Variants in PCDHA1 observed in about 807,000 individuals in gnomAD.
The protein encoded by PCDHA1 is protocadherin alpha 1.
A neutral mutation model predicts 61.3 loss-of-function variants in PCDHA1; 42 were observed. The ratio of observed to expected loss-of-function variants is 0.69; its 90% confidence interval spans 0.54 to 0.89. The LOEUF (loss-of-function observed/expected upper bound fraction) is 0.89, where lower values mean the gene tolerates loss of function less well. PCDHA1 is among the 40% of genes least tolerant of loss of function. The probability of loss-of-function intolerance (pLI) is 0.00; values close to 1 mark genes in which losing one functional copy is unlikely to be tolerated. For missense variants in PCDHA1, 1,256 were observed against 1,235.3 expected (o/e 1.02, Z -0.25); for synonymous variants, 610 against 553.8 (o/e 1.10, Z -1.43).
At chr5:140,941,210 T>C (rs199663607) in intron 1 of PCDHA1, among the ~76,000 whole-genome samples, 3,757 of 100,378 alleles carry the variant, frequency 0.037, 93 homozygotes, top group African/African-American at 0.096. Context: ...TTCCTTTCTT[T>C]CTTCCTTTCT....
In PCDHA1 at chr5:140,795,384, C is replaced by G. The variant is rs144974749; in HGVS notation, c.2394+6700C>G. On this transcript the variant is annotated intron_variant, in intron 1 of 3. Coordinates refer to ENST00000504120, the MANE Select transcript of PCDHA1 (RefSeq NM_018900.4). ...TATTTCCAATGACAGTAAAGACTAT[C>G]CGGTTTCCCGAATCAAGGCTGCTTG... is the stretch of plus-strand genomic sequence containing the variant. 3,877 of 1,614,140 alleles carry G rather than the reference C, an allele frequency of 2.4e-3. 12 individuals are homozygous for G. The highest frequency in any genetic ancestry group is 0.014 in the Middle Eastern group (84 of 6,062).
intron 1 of PCDHA1, among the ~76,000 whole-genome samples, chr5:140,838,073 ATATAGTGTGTGTGTGT>A (rs2150282806): frequency 2.4e-4 from 30 of 126,834 alleles, no homozygotes; most frequent in Admixed American, 8.6e-4. Flanking sequence ...AGTTATATAT[ATATAGTGTGTGTGTGT>A]GTGTGTGTGT....
chr5:140,931,188 G>A (rs782167226), intron 1 of PCDHA1, among the ~76,000 whole-genome samples: 1 of 152,126 alleles, frequency 6.6e-6, no homozygotes, highest in South Asian at 2.1e-4. Flanking sequence ...GGAAATTGGT[G>A]CACTACAATG....
chr5:140,856,130 G>A lies in PCDHA1; in HGVS notation c.2394+67446G>A. The stretch of plus-strand genomic sequence containing the variant: ...CCTCGCAGCCTGGGAGGTGGGGAGC[G>A]GCCAGCTCCACTACTCAGTCTACGA... On this transcript the variant is annotated intron_variant, in intron 1 of 3. Transcript: ENST00000504120. 7 of 1,598,068 alleles carry A rather than the reference G, an allele frequency of 4.4e-6. 1 individual carries two copies. The highest frequency in any genetic ancestry group is 6.0e-6 in the Non-Finnish European group (7 of 1,167,790).
intron 1 of PCDHA1, among the ~76,000 whole-genome samples, chr5:140,935,416 A>G (rs35902736): frequency 0.059 from 8,919 of 152,326 alleles, 374 homozygotes; most frequent in Non-Finnish European, 0.083. Context: ...ATGGACTTAG[A>G]AAACAATTTC....
At chr5:140,794,873 A>G in intron 1 of PCDHA1, 1 of 1,358,584 alleles carries the variant, frequency 7.4e-7, no homozygotes, top group Non-Finnish European at 1.0e-6. Context: ...GCGGAGGAAT[A>G]AGAGAAGCAG....
chr5:140,803,036 T>G, intron 1 of PCDHA1: 1 of 1,614,018 alleles, frequency 6.2e-7, no homozygotes, highest in Non-Finnish European at 8.5e-7. Flanking sequence ...AGCTGCAGCC[T>G]GGGACCGGCG....
intron 3 of PCDHA1, among the ~76,000 whole-genome samples, chr5:140,996,923 A>G (rs1385919756): frequency 6.6e-6 from 1 of 152,230 alleles, no homozygotes; most frequent in Non-Finnish European, 1.5e-5. Flanking sequence ...ATATTAAAAA[A>G]TATAGCATTT....
chr5:141,006,843 T>A (rs2098291274), intron 3 of PCDHA1, among the ~76,000 whole-genome samples: 1 of 152,154 alleles, frequency 6.6e-6, no homozygotes, highest in Non-Finnish European at 1.5e-5. Context: ...TTACTGAAAC[T>A]GGAAAGATTT....
chr5:140,989,127 A>G (rs914524582), intron 3 of PCDHA1: 2 of 152,216 alleles, frequency 1.3e-5, no homozygotes, highest in Non-Finnish European at 2.9e-5. Context: ...TAGAAAAATA[A>G]GACACTTTAT....
rs1441365634 is a variant in PCDHA1, at chr5:140,822,733, G to T, written c.2394+34049G>T. 3 of 1,613,118 alleles carry T rather than the reference G, an allele frequency of 1.9e-6. No individual in the cohort carries two copies. In the African/African-American group the frequency reaches 4.0e-5, roughly 22 times the overall value. On this transcript the variant is annotated intron_variant, in intron 1 of 3. Coordinates refer to ENST00000504120, the MANE Select transcript of PCDHA1 (RefSeq NM_018900.4). ...CTATAACTCATATGAAATTAATATT[G>T]ATGCCATGGATAAAAGTACATTCCC... is the stretch of plus-strand genomic sequence containing the variant.
At chr5:140,807,151 A>G (rs782213665) in intron 1 of PCDHA1, 6 of 1,580,442 alleles carry the variant, frequency 3.8e-6, no homozygotes, top group South Asian at 1.2e-5. Flanking sequence ...ACTTTGAGAA[A>G]CGATATTTAA....
chr5:140,870,346 G>C (rs782365260), intron 1 of PCDHA1: 2 of 1,614,236 alleles, frequency 1.2e-6, no homozygotes, highest in Non-Finnish European at 1.7e-6. Context: ...CCTGGACCGC[G>C]AGAACGTGTG....
At chr5:140,851,219 C>A (rs2041993259) in intron 1 of PCDHA1, 5 of 1,147,562 alleles carry the variant, frequency 4.4e-6, no homozygotes, top group Non-Finnish European at 4.5e-6. Context: ...ACATTAACAT[C>A]ACTATCATTT....
intron 2 of PCDHA1, among the ~76,000 whole-genome samples, chr5:140,979,586 C>T (rs1554240859): frequency 6.6e-6 from 1 of 152,188 alleles, no homozygotes; most frequent in Admixed American, 6.5e-5. Context: ...CCAAATCTAG[C>T]TTACTTTAAA....
At chr5:140,841,119 T>C (rs2150311398) in intron 1 of PCDHA1, 1 of 628,942 alleles carries the variant, frequency 1.6e-6, no homozygotes, top group African/African-American at 1.8e-5. Context: ...ATTCATGTAA[T>C]CATTACCTTT....
At chr5:140,923,112 T>C (rs1159250649) in intron 1 of PCDHA1, among the ~76,000 whole-genome samples, 2 of 152,144 alleles carry the variant, frequency 1.3e-5, no homozygotes, top group Non-Finnish European at 2.9e-5. Flanking sequence ...TGATTTTAAG[T>C]TTTTAGGGTC....
At chr5:140,862,901 C>CA in intron 1 of PCDHA1, 2 of 551,296 alleles carry the variant, frequency 3.6e-6, no homozygotes, top group Non-Finnish European at 3.5e-6. Context: ...ACTTTGTCTG[C>CA]GCTGCTGGCG....
chr5:141,008,515 A>G (rs1430400139), intron 3 of PCDHA1, among the ~76,000 whole-genome samples: 1 of 152,126 alleles, frequency 6.6e-6, no homozygotes, highest in Non-Finnish European at 1.5e-5. Context: ...GTGTCTTCCA[A>G]TCAGACTCTT....
Sources: gnomAD v4.1 joint callset for allele counts (sites outside exome capture counted in the v4.1 genomes callset) on GRCh38, gnomAD v4.1.1 for gene constraint, MANE v1.5 for transcripts, NCBI Gene and HGNC (gene_info 2026-07-23, HGNC 2026-07-21) for gene names.